FRMD4B: variants seen among roughly 807,000 people sequenced by gnomAD.
FRMD4B encodes the protein FERM domain-containing protein 4B.
A neutral mutation model predicts 141.5 loss-of-function variants in FRMD4B; 74 were observed. The ratio of observed to expected loss-of-function variants is 0.52; its 90% confidence interval spans 0.43 to 0.63. FRMD4B has a LOEUF of 0.63. Ranked by LOEUF, FRMD4B falls within the 30% of genes least tolerant of loss-of-function variation. FRMD4B has a pLI of 0.00. For missense variants in FRMD4B, 1,366 were observed against 1,253.4 expected (o/e 1.09, Z -1.36); for synonymous variants, 506 against 467.9 (o/e 1.08, Z -1.05).
At chr3:69,542,117 C>T (rs1474552441) in intron 1 of FRMD4B, 1 of 151,994 alleles carries the variant, frequency 6.6e-6, no homozygotes, top group Non-Finnish European at 1.5e-5. Context: ...GCGCGCTGCG[C>T]CCGGGGCGCA....
At chr3:69,524,692 G>A (rs990219293) in intron 1 of FRMD4B, among the ~76,000 whole-genome samples, 1 of 152,152 alleles carries the variant, frequency 6.6e-6, no homozygotes, top group African/African-American at 2.4e-5. Flanking sequence ...TAGCTCAAGG[G>A]AAGGAAGGAA....
intron 7 of FRMD4B, among the ~76,000 whole-genome samples, chr3:69,232,633 T>C (rs2093316475): frequency 6.6e-6 from 1 of 152,176 alleles, no homozygotes; most frequent in Non-Finnish European, 1.5e-5. Context: ...ACTCTTTGTG[T>C]GTGCTGGAGT....
intron 1 of FRMD4B, among the ~76,000 whole-genome samples, chr3:69,513,387 A>C (rs1706720287): frequency 6.6e-6 from 1 of 152,166 alleles, no homozygotes; most frequent in Admixed American, 6.5e-5. Context: ...CCCGTAACTA[A>C]TAAGCAGATT....
chr3:69,316,357 C>T (rs1453322954), intron 1 of FRMD4B, among the ~76,000 whole-genome samples: 1 of 152,142 alleles, frequency 6.6e-6, no homozygotes, highest in Non-Finnish European at 1.5e-5. Context: ...CATGTATTAT[C>T]TCAGTAAAGC....
chr3:69,294,242 C>A (rs1374610032), intron 4 of FRMD4B, among the ~76,000 whole-genome samples: 1 of 152,200 alleles, frequency 6.6e-6, no homozygotes. Flanking sequence ...TTAACTGCAG[C>A]CACACGCCTA....
chr3:69,254,482 C>CTT (rs2093481026), intron 5 of FRMD4B, among the ~76,000 whole-genome samples: 7 of 152,248 alleles, frequency 4.6e-5, no homozygotes, highest in Admixed American at 4.6e-4. Flanking sequence ...AATACCTCTC[C>CTT]ATAGATTACT....
chr3:69,250,235 A>C, intron 5 of FRMD4B, 136 bp from the exon 6 acceptor site: 2 of 733,082 alleles, frequency 2.7e-6, no homozygotes, highest in South Asian at 2.9e-5. Flanking sequence ...ATTGCAGGGG[A>C]AAGTGGGGGG....
At chr3:69,536,477 C>T in intron 1 of FRMD4B, 1 of 700,468 alleles carries the variant, frequency 1.4e-6, no homozygotes. Context: ...TTGACGGCCA[C>T]CGCCAACGTG....
At chr3:69,263,998 G>A (rs1420929949) in intron 5 of FRMD4B, among the ~76,000 whole-genome samples, 2 of 150,438 alleles carry the variant, frequency 1.3e-5, no homozygotes, top group Non-Finnish European at 3.0e-5. Flanking sequence ...GCTAATTTTT[G>A]TATTTTTAGA....
At chr3:69,482,957 A>G (rs980490971) in intron 1 of FRMD4B, among the ~76,000 whole-genome samples, 3 of 152,262 alleles carry the variant, frequency 2.0e-5, no homozygotes, top group Admixed American at 2.0e-4. Flanking sequence ...TCGGCTAGGC[A>G]GGAGGACCTA....
At chr3:69,328,723 C>A (rs1296810008) in intron 1 of FRMD4B, among the ~76,000 whole-genome samples, 1 of 152,160 alleles carries the variant, frequency 6.6e-6, no homozygotes, top group African/African-American at 2.4e-5. Context: ...CAATTGCATG[C>A]TTTAAGACAC....
chr3:69,334,164 C>T (rs1012031621), intron 1 of FRMD4B: 11 of 152,226 alleles, frequency 7.2e-5, no homozygotes, highest in African/African-American at 2.2e-4. Flanking sequence ...ACTGGCTTCA[C>T]ATCCTCTTTA....
intron 5 of FRMD4B, among the ~76,000 whole-genome samples, chr3:69,256,937 C>A (rs2093496872): frequency 6.6e-6 from 1 of 152,134 alleles, no homozygotes; most frequent in Admixed American, 6.5e-5. Flanking sequence ...GGTTTTATAA[C>A]CTCAGCACAA....
intron 1 of FRMD4B, among the ~76,000 whole-genome samples, chr3:69,465,993 A>G (rs1407781423): frequency 3.3e-5 from 5 of 152,222 alleles, no homozygotes; most frequent in African/African-American, 1.2e-4. Context: ...AGTTGAACTA[A>G]TTTGCATTCC....
chr3:69,541,359 C>T (rs572459599), intron 1 of FRMD4B: 2 of 152,234 alleles, frequency 1.3e-5, no homozygotes, highest in Admixed American at 1.3e-4. Flanking sequence ...TAATTATTAC[C>T]CCACCCAGGA....
Position 69,196,919 on chromosome 3 carries a change from A to G in FRMD4B, c.1073T>C (p.Leu358Ser), listed in dbSNP as rs1428871420. 4 of 1,611,964 alleles carry G rather than the reference A, an allele frequency of 2.5e-6. No individual in the cohort carries two copies. The highest frequency in any genetic ancestry group is 3.4e-6 in the Non-Finnish European group (4 of 1,178,138). The change falls in exon 13 of 23, where the codon TTG (leucine) becomes TCG (serine). Residue 358 changes from leucine to serine, a missense_variant. Coordinates refer to ENST00000398540, the MANE Select transcript of FRMD4B (RefSeq NM_015123.3). ...ACTTACTTTGCTTTGCTTCCGGTCC[A>G]AGTAAAACTGATGCTGACTAATTGC... The part of the protein sequence containing the change: ...VMAISQHQFY[L>S]DRKQSKAKIP...
chr3:69,283,429 CAA>C (rs59444542), intron 5 of FRMD4B, among the ~76,000 whole-genome samples: 96,993 of 139,394 alleles, frequency 0.7, 33,885 homozygotes, highest in Non-Finnish European at 0.77. Context: ...GCAACAACAA[CAA>C]AAAAAAAAAA....
chr3:69,312,638 C>T (rs1701639034), intron 2 of FRMD4B, among the ~76,000 whole-genome samples: 1 of 152,232 alleles, frequency 6.6e-6, no homozygotes, highest in South Asian at 2.1e-4. Flanking sequence ...GAGGCTCACG[C>T]CTGTAATCCC....
intron 11 of FRMD4B, among the ~76,000 whole-genome samples, chr3:69,215,282 C>CCCTTTT (rs2093128456): frequency 2.7e-5 from 1 of 37,474 alleles, no homozygotes; most frequent in African/African-American, 6.6e-5. Context: ...GATTGTGACC[C>CCCTTTT]TCTTTTTTTT....
Sources: allele counts gnomAD v4.1 joint callset (sites outside exome capture counted in the v4.1 genomes callset), GRCh38; gene constraint gnomAD v4.1.1; transcripts MANE v1.5; gene names NCBI Gene and HGNC (gene_info 2026-07-23, HGNC 2026-07-21).